Variants in PTPRD observed in about 807,000 individuals in gnomAD.
The protein encoded by PTPRD is protein tyrosine phosphatase receptor type D, also known as receptor-type tyrosine-protein phosphatase delta.
A neutral mutation model predicts 214.5 loss-of-function variants in PTPRD; 34 were observed. The observed-to-expected ratio is 0.16, with a 90% CI of 0.12 to 0.21. The LOEUF (loss-of-function observed/expected upper bound fraction) is 0.21, where lower values mean the gene tolerates loss of function less well. Among genes scored for constraint, PTPRD ranks in the 10% least tolerant of loss-of-function variants. The probability of loss-of-function intolerance (pLI) is 1.00; values close to 1 mark genes in which losing one functional copy is unlikely to be tolerated. For missense variants in PTPRD, 2,545 were observed against 2,398.7 expected, an observed-to-expected ratio of 1.06 and a Z score of -1.27; for synonymous variants, 1,128 against 845.7, an observed-to-expected ratio of 1.33 and a Z score of -5.79.
intron 14 of PTPRD, among the ~76,000 whole-genome samples, chr9:8,556,042 T>C (rs1035517508): frequency 1.3e-5 from 2 of 152,256 alleles, no homozygotes; most frequent in East Asian, 3.9e-4. Context: ...ATGCTACCCT[T>C]TGGGAAAACA....
rs558151121 is a variant in PTPRD at position 9,017,597 on chromosome 9, T to C, written c.-104+1100A>G. 4.6e-5 allele frequency among the ~76,000 whole-genome samples: 7 copies of C among 152,306 alleles called. No homozygotes were observed. The South Asian group carries it at 8.3e-4, about 18-fold the overall frequency. ...TTAGAATCAAGTGATTTCATAAATA[T>C]AGAAAGTTTAGAACACTAGTAAGGA... On this transcript the variant is annotated intron_variant, in intron 11 of 45. Coordinates refer to ENST00000381196, the MANE Select transcript of PTPRD (RefSeq NM_002839.4).
intron 2 of PTPRD, among the ~76,000 whole-genome samples, chr9:10,348,947 T>A (rs960148514): frequency 6.6e-6 from 1 of 152,054 alleles, no homozygotes; most frequent in Non-Finnish European, 1.5e-5. Context: ...CTGTCAAAGT[T>A]CACCATGGCA....
At position 8,517,898 on chromosome 9, in the gene PTPRD, A is replaced by C; in HGVS notation, c.1493T>G (p.Ile498Ser). The C allele has an allele frequency of 6.2e-7, 1 of 1,614,142 alleles. No individual in the cohort carries two copies. The highest frequency in any genetic ancestry group is 1.1e-5 in the South Asian group (1 of 91,080). Residue 498 changes from isoleucine (I) to serine (S), a missense_variant, in exon 21 of 46, where the codon ATT (isoleucine) becomes AGT (serine). Coordinates refer to ENST00000381196, the MANE Select transcript of PTPRD (RefSeq NM_002839.4). Reference sequence around the variant, plus strand: ...GTCACTTGAAAGGGGACCATCTCCAATTGAGGTAAAAGCCAGGACTTTGAC... The same window carrying C: ...GTCACTTGAAAGGGGACCATCTCCACTTGAGGTAAAAGCCAGGACTTTGAC... ...YSVKVLAFTS[I>S]GDGPLSSDIQ...
At chr9:10,372,604 T>C (rs1427750472) in intron 2 of PTPRD, among the ~76,000 whole-genome samples, 1 of 152,024 alleles carries the variant, frequency 6.6e-6, no homozygotes, top group Non-Finnish European at 1.5e-5. Flanking sequence ...CCTTTTACTC[T>C]AAACTTTTAC....
At chr9:9,304,262 G>A (rs373832254) in intron 9 of PTPRD, among the ~76,000 whole-genome samples, 15 of 152,222 alleles carry the variant, frequency 9.9e-5, no homozygotes, top group African/African-American at 3.6e-4. Context: ...AGAAGACTAG[G>A]ATGAGATGAA....
chr9:8,340,155 A>T (rs4740935), intron 42 of PTPRD, among the ~76,000 whole-genome samples, 188 bp downstream of exon 42: 7 of 151,954 alleles, frequency 4.6e-5, no homozygotes, highest in Admixed American at 6.6e-5. Flanking sequence ...TCTTTAAAAC[A>T]CATAAATTTA....
At chr9:9,667,439 T>C (rs1435380099) in intron 7 of PTPRD, among the ~76,000 whole-genome samples, 4 of 152,152 alleles carry the variant, frequency 2.6e-5, no homozygotes, top group Non-Finnish European at 4.4e-5. Context: ...CATCAGTCAC[T>C]GGTTTGCCCG....
intron 11 of PTPRD, among the ~76,000 whole-genome samples, chr9:8,917,072 C>A (rs530122496): frequency 2.2e-5 from 3 of 139,398 alleles, no homozygotes; most frequent in Non-Finnish European, 3.0e-5. Flanking sequence ...TTTTTTTTTA[C>A]AATCCCCATT....
At chr9:9,177,940 A>T (rs923175595) in intron 10 of PTPRD, among the ~76,000 whole-genome samples, 1 of 152,148 alleles carries the variant, frequency 6.6e-6, no homozygotes, top group Non-Finnish European at 1.5e-5. Context: ...TGTAGGCATC[A>T]ATTTGAAACA....
chr9:10,090,547 C>T (rs2098416666), intron 3 of PTPRD, among the ~76,000 whole-genome samples: 1 of 150,684 alleles, frequency 6.6e-6, no homozygotes, highest in African/African-American at 2.4e-5. Context: ...TCATTTGATA[C>T]ATATTTTTAA....
chr9:10,491,749 A>T (rs545985461), intron 2 of PTPRD, among the ~76,000 whole-genome samples: 2 of 151,960 alleles, frequency 1.3e-5, no homozygotes, highest in African/African-American at 4.8e-5. Flanking sequence ...GTTCCGGGAT[A>T]TATGTGCAGA....
At position 9,821,531 on chromosome 9, in the gene PTPRD, G is replaced by C. The variant is rs372226153; in HGVS notation, c.-367-54680C>G. The stretch of plus-strand genomic sequence containing the variant: ...CATGTTTTGTATAGAGAATCAGAGA[G>C]GCTGAAGAGAAAATATATAAGATAT... On this transcript the variant is annotated intron_variant, in intron 5 of 45. Coordinates refer to ENST00000381196, the MANE Select transcript of PTPRD (RefSeq NM_002839.4). Among the ~76,000 whole-genome samples, 26 of 152,228 alleles carry C rather than the reference G, an allele frequency of 1.7e-4. No individual in the cohort carries two copies. In the South Asian group the frequency reaches 5.4e-3, roughly 32 times the overall value.
intron 5 of PTPRD, among the ~76,000 whole-genome samples, chr9:9,854,541 TTTCTC>T (rs1180156823): frequency 6.6e-6 from 1 of 152,168 alleles, no homozygotes; most frequent in African/African-American, 2.4e-5. Flanking sequence ...TATCTAATCT[TTTCTC>T]AGAAGATTTC....
chr9:9,118,465 C>A (rs1210745243), intron 10 of PTPRD, among the ~76,000 whole-genome samples: 1 of 152,158 alleles, frequency 6.6e-6, no homozygotes, highest in African/African-American at 2.4e-5. Flanking sequence ...TTTTTAGTCA[C>A]ACACTGGCTT....
chr9:8,974,838 T>C (rs2099259135), intron 11 of PTPRD, among the ~76,000 whole-genome samples: 2 of 152,058 alleles, frequency 1.3e-5, no homozygotes, highest in Non-Finnish European at 2.9e-5. Context: ...GGCTCACACC[T>C]TTAATCCCAG....
At chr9:10,016,713 G>A (rs1588988664) in intron 4 of PTPRD, among the ~76,000 whole-genome samples, 1 of 150,728 alleles carries the variant, frequency 6.6e-6, no homozygotes, top group African/African-American at 2.4e-5. Context: ...CAGCCAGGCT[G>A]GAGTGCAGTG....
At chr9:9,489,365 C>T (rs1413423405) in intron 8 of PTPRD, among the ~76,000 whole-genome samples, 1 of 152,000 alleles carries the variant, frequency 6.6e-6, no homozygotes, top group African/African-American at 2.4e-5. Flanking sequence ...CAACAAATAA[C>T]CCACAAGACA....
At chr9:10,243,843 G>A (rs2091589674) in intron 3 of PTPRD, among the ~76,000 whole-genome samples, 1 of 151,740 alleles carries the variant, frequency 6.6e-6, no homozygotes, top group Non-Finnish European at 1.5e-5. Flanking sequence ...AGACATATAT[G>A]TATTCATATT....
At chr9:9,556,977 A>G (rs945383375) in intron 8 of PTPRD, among the ~76,000 whole-genome samples, 4 of 152,158 alleles carry the variant, frequency 2.6e-5, no homozygotes, top group African/African-American at 9.7e-5. Flanking sequence ...TTGTTACTCT[A>G]TCACTTTAGG....
Sources: gnomAD v4.1 joint callset for allele counts (sites outside exome capture counted in the v4.1 genomes callset) on GRCh38, gnomAD v4.1.1 for gene constraint, MANE v1.5 for transcripts, NCBI Gene and HGNC (gene_info 2026-07-23, HGNC 2026-07-21) for gene names.